The following CNTNAP5 variants were observed in gnomAD, a reference collection of about 807,000 sequenced individuals.
The protein encoded by CNTNAP5 is contactin-associated protein-like 5.
Under a neutral mutation model 150.2 loss-of-function variants are expected in CNTNAP5, and 72 were observed. The observed-to-expected ratio is 0.48, with a 90% CI of 0.40 to 0.58. The LOEUF (loss-of-function observed/expected upper bound fraction) is 0.58. Ranked by LOEUF, CNTNAP5 falls within the 20% of genes least tolerant of loss-of-function variation. The pLI is 0.00. For synonymous variants in CNTNAP5, 672 were observed against 619.8 expected (o/e 1.08, Z -1.25); for missense variants, 1,636 against 1,626.2 (o/e 1.01, Z -0.10).
Position 124,406,199 on chromosome 2 carries a change from T to A in CNTNAP5, c.382-11244T>A, listed in dbSNP as rs529434332. Among the ~76,000 whole-genome samples, 3 of 152,370 alleles carry A rather than the reference T, an allele frequency of 2.0e-5. No individual in the cohort carries two copies. In the South Asian group the frequency reaches 6.2e-4, roughly 32 times the overall value. On this transcript the variant is annotated intron_variant, in intron 3 of 23. Coordinates refer to ENST00000682447, the MANE Select transcript of CNTNAP5 (RefSeq NM_001367498.1). ...TCAATTGTGGTTAAAAAACAAACTGTACGGTTTTAACTAAGACCTATCTTA... is the reference window on the plus strand; with the variant it reads ...TCAATTGTGGTTAAAAAACAAACTGAACGGTTTTAACTAAGACCTATCTTA...
At chr2:124,624,308 T>C (rs1237989155) in intron 12 of CNTNAP5, among the ~76,000 whole-genome samples, 1 of 152,216 alleles carries the variant, frequency 6.6e-6, no homozygotes, top group Non-Finnish European at 1.5e-5. Flanking sequence ...GCCAGTTGAC[T>C]CCAACCCACA....
intron 14 of CNTNAP5, among the ~76,000 whole-genome samples, chr2:124,761,690 G>A (rs1398523579): frequency 6.6e-6 from 1 of 152,030 alleles, no homozygotes; most frequent in Non-Finnish European, 1.5e-5. Context: ...GCCCCTGTAG[G>A]CATTTAAATT....
intron 13 of CNTNAP5, among the ~76,000 whole-genome samples, chr2:124,663,959 A>G (rs1678645717): frequency 6.6e-6 from 1 of 152,160 alleles, no homozygotes; most frequent in Admixed American, 6.6e-5. Flanking sequence ...TGAAATACAA[A>G]TTCCTTTTTC....
At chr2:124,030,782 T>C (rs919098558) in intron 1 of CNTNAP5, among the ~76,000 whole-genome samples, 1 of 152,126 alleles carries the variant, frequency 6.6e-6, no homozygotes, top group Non-Finnish European at 1.5e-5. Flanking sequence ...AAAAAGTTGA[T>C]AGGGAAAGGA....
chr2:124,188,982 A>G (rs1426590586), intron 1 of CNTNAP5, among the ~76,000 whole-genome samples: 1 of 152,180 alleles, frequency 6.6e-6, no homozygotes, highest in African/African-American at 2.4e-5. Context: ...GGATTTCAGT[A>G]TTTTGAAGAT....
intron 21 of CNTNAP5, among the ~76,000 whole-genome samples, chr2:124,875,286 A>G (rs912906434): frequency 6.6e-6 from 1 of 152,106 alleles, no homozygotes; most frequent in Non-Finnish European, 1.5e-5. Context: ...GCATATAAAT[A>G]AAAGGTGTGT....
chr2:124,435,513 C>A (rs1273025009), intron 5 of CNTNAP5, among the ~76,000 whole-genome samples: 1 of 151,666 alleles, frequency 6.6e-6, no homozygotes, highest in African/African-American at 2.4e-5. Context: ...AAGAGATAAG[C>A]TGAAAAAAAA....
intron 3 of CNTNAP5, among the ~76,000 whole-genome samples, chr2:124,244,396 T>C (rs1413412248): frequency 6.6e-6 from 1 of 152,086 alleles, no homozygotes; most frequent in Admixed American, 6.6e-5. Flanking sequence ...CTCCCTGAAT[T>C]GAAGGGTGGG....
intron 13 of CNTNAP5, among the ~76,000 whole-genome samples, chr2:124,650,823 A>T (rs1422000423): frequency 1.3e-5 from 2 of 152,196 alleles, no homozygotes; most frequent in Non-Finnish European, 2.9e-5. Context: ...CCAATGAACA[A>T]ATCTCCTATT....
chr2:124,216,852 G>A lies in CNTNAP5; in HGVS notation c.83-4853G>A, dbSNP rs185922960. Among the ~76,000 whole-genome samples the A allele has an allele frequency of 2.6e-5, 4 of 152,180 alleles. 1 individual carries two copies. The South Asian group carries it at 6.2e-4, about 24-fold the overall frequency. On this transcript the variant is annotated intron_variant, in intron 1 of 23. Coordinates refer to ENST00000682447, the MANE Select transcript of CNTNAP5 (RefSeq NM_001367498.1). The stretch of plus-strand genomic sequence containing the variant: ...GTGAATAGTGCCTCAATAAACATAC[G>A]TGTGCATGTGTCTTTATAGCAGCAT...
chr2:124,091,762 C>T (rs1682818963), intron 1 of CNTNAP5, among the ~76,000 whole-genome samples: 1 of 152,164 alleles, frequency 6.6e-6, no homozygotes, highest in South Asian at 2.1e-4. Flanking sequence ...GGTCAGAGGT[C>T]CTCAATCCAT....
At chr2:124,518,120 A>C (rs534638415) in intron 8 of CNTNAP5, among the ~76,000 whole-genome samples, 1 of 152,228 alleles carries the variant, frequency 6.6e-6, no homozygotes, top group South Asian at 2.1e-4. Context: ...AGTGTTGAGG[A>C]ACCCCACTTT....
chr2:124,028,311 G>GTT (rs1553430547), intron 1 of CNTNAP5, among the ~76,000 whole-genome samples: 2 of 10,822 alleles, frequency 1.8e-4, no homozygotes, highest in Non-Finnish European at 3.4e-4. Flanking sequence ...GTATGTGTGT[G>GTT]TTTTGTGTGT....
intron 13 of CNTNAP5, among the ~76,000 whole-genome samples, chr2:124,709,819 A>T (rs1056992334): frequency 1.8e-4 from 27 of 152,138 alleles, no homozygotes; most frequent in Non-Finnish European, 1.5e-5. Flanking sequence ...TCTGTTCAAC[A>T]ATGCTTCATA....
chr2:124,351,714 A>G (rs1273405108), intron 3 of CNTNAP5, among the ~76,000 whole-genome samples: 1 of 152,218 alleles, frequency 6.6e-6, no homozygotes, highest in Non-Finnish European at 1.5e-5. Context: ...AAGTTTAGTT[A>G]AAAGACCTGG....
intron 11 of CNTNAP5, among the ~76,000 whole-genome samples, chr2:124,575,075 C>G (rs1210629857): frequency 6.6e-6 from 1 of 151,958 alleles, no homozygotes; most frequent in Non-Finnish European, 1.5e-5. Context: ...CATTTTTTTC[C>G]CACTGCAACC....
At chr2:124,884,080 T>C (rs930846490) in intron 21 of CNTNAP5, among the ~76,000 whole-genome samples, 2 of 152,118 alleles carry the variant, frequency 1.3e-5, no homozygotes, top group African/African-American at 4.8e-5. Context: ...TGCATATCTG[T>C]CATGTATGTC....
intron 1 of CNTNAP5, among the ~76,000 whole-genome samples, chr2:124,059,819 G>A (rs1467590044): frequency 6.6e-6 from 1 of 151,974 alleles, no homozygotes; most frequent in Non-Finnish European, 1.5e-5. Flanking sequence ...AAGGGCAAGA[G>A]CCTGTGAATT....
At chr2:124,459,916 C>T (rs530758272) in intron 6 of CNTNAP5, among the ~76,000 whole-genome samples, 2 of 152,132 alleles carry the variant, frequency 1.3e-5, no homozygotes, top group Non-Finnish European at 2.9e-5. Flanking sequence ...TGTGCAAATA[C>T]AAAACTGTCT....
Sources: gnomAD v4.1 joint callset for allele counts (sites outside exome capture counted in the v4.1 genomes callset) on GRCh38, gnomAD v4.1.1 for gene constraint, MANE v1.5 for transcripts, NCBI Gene and HGNC (gene_info 2026-07-23, HGNC 2026-07-21) for gene names.